RNF20: variants seen among roughly 807,000 people sequenced by gnomAD.
RNF20 encodes ring finger protein 20, also known as E3 ubiquitin-protein ligase BRE1A.
RNF20 carries 84 observed loss-of-function variants against 126.2 expected under a neutral mutation model. The observed-to-expected ratio is 0.67, with a 90% CI of 0.56 to 0.80. RNF20 has a LOEUF of 0.80. Among genes scored for constraint, RNF20 ranks in the 30% least tolerant of loss-of-function variants. The pLI is 0.00. For synonymous variants in RNF20, 400 were observed against 414.3 expected (o/e 0.97, Z 0.42); for missense variants, 869 against 1,188.2 (o/e 0.73, Z 3.95).
At chr9:101,545,603 C>T (rs1424570582) in intron 6 of RNF20, among the ~76,000 whole-genome samples, 2 of 152,056 alleles carry the variant, frequency 1.3e-5, no homozygotes, top group Non-Finnish European at 1.5e-5. Context: ...TTACTAAACC[C>T]CAGTGTTAAG....
intron 15 of RNF20, among the ~76,000 whole-genome samples, chr9:101,556,535 C>G (rs549215055): frequency 2.7e-4 from 41 of 152,118 alleles, no homozygotes; most frequent in Non-Finnish European, 5.6e-4. Context: ...AGGATGATTT[C>G]CAAATGGATC....
rs531716092 is a variant in RNF20 at position 101,533,881 on chromosome 9, A to C, written c.-60A>C. 1 of 152,444 alleles carries C rather than the reference A, an allele frequency of 6.6e-6. No homozygotes were observed. The highest frequency in any genetic ancestry group is 1.5e-5 in the Non-Finnish European group (1 of 68,286). The allele number at this position is 152,444 out of a possible 1,614,324, so 9.4% of individuals were successfully genotyped here. A position where few individuals can be genotyped will look rare whatever the true frequency, so the allele number is the denominator to read the frequency against. Reference sequence around the variant, plus strand: ...TTCTGCCTTGTCTCCGCCGCGGGTCAGGGGTGAGAGCTGGAATCTCTGCAC... The same window carrying C: ...TTCTGCCTTGTCTCCGCCGCGGGTCCGGGGTGAGAGCTGGAATCTCTGCAC... On this transcript the variant is annotated 5_prime_UTR_variant, in exon 1 of 20. Transcript: ENST00000389120.
intron 2 of RNF20, among the ~76,000 whole-genome samples, chr9:101,536,244 A>T (rs1004590334): frequency 6.6e-6 from 1 of 152,212 alleles, no homozygotes; most frequent in African/African-American, 2.4e-5. Context: ...GTAATGTTAT[A>T]TATCTGTTAG....
rs560975176 is a variant in RNF20 at position 101,562,528 on chromosome 9, A to C, written c.*106A>C. ...ACTGTCACCTGTAGGACAGTTTATC[A>C]GTCAACTACCTTTCCTCCAGACTTT... On this transcript the variant is annotated 3_prime_UTR_variant, in exon 20 of 20. Coordinates refer to ENST00000389120, the MANE Select transcript of RNF20 (RefSeq NM_019592.7). 317 of 1,067,634 alleles carry C rather than the reference A, an allele frequency of 3.0e-4. No homozygotes were observed. In the African/African-American group the frequency reaches 4.5e-3, roughly 15 times the overall value. The allele number at this position is 1,067,634 out of a possible 1,614,324, so 66.1% of individuals were successfully genotyped here. A position where few individuals can be genotyped will look rare whatever the true frequency, so the allele number is the denominator to read the frequency against.
intron 9 of RNF20, among the ~76,000 whole-genome samples, chr9:101,548,472 CCA>C (rs1827388829): frequency 6.6e-6 from 1 of 151,978 alleles, no homozygotes; most frequent in African/African-American, 2.4e-5. Flanking sequence ...AATGTTCTTG[CCA>C]CACACGAAAA....
At chr9:101,547,301 T>C in intron 8 of RNF20, 87 bp downstream of exon 8, 3 of 1,598,276 alleles carry the variant, frequency 1.9e-6, no homozygotes, top group South Asian at 2.2e-5. Context: ...AGTGACATCA[T>C]GGGGTTTTGC....
rs951061096 is a variant in RNF20 at position 101,535,403 on chromosome 9, C to T, written c.-21C>T. On this transcript the variant is annotated 5_prime_UTR_variant, in exon 2 of 20. The change creates a new upstream start codon in the 5' untranslated region. Coordinates refer to ENST00000389120, the MANE Select transcript of RNF20 (RefSeq NM_019592.7). ...TCTGCCTTTTTTTCTATCAGGAAAA[C>T]GACTGTCTTCTTCTGCCAAAATGTC... 5.6e-6 allele frequency: 9 copies of T among 1,607,128 alleles called. No individual in the cohort carries two copies. Among genetic ancestry groups the T allele is most frequent in the East Asian group, 2.2e-5 (1 of 44,800 alleles).
Position 101,535,461 on chromosome 9 carries a change from C to G in RNF20, c.38C>G (p.Pro13Arg). Residue 13 changes from proline to arginine, a missense_variant, in exon 2 of 20, where the codon CCT becomes CGT. Pro to Arg is a moderately radical substitution (Grantham distance 103, BLOSUM62 -2). Transcript: ENST00000389120. ...GIGNKRAAGEPGTSMPPEKKA... is the reference protein window; with the variant it reads ...GIGNKRAAGERGTSMPPEKKA... Reference sequence around the variant, plus strand: ...GGAAATAAAAGAGCAGCTGGAGAACCTGGCACCTCCATGCCTCCTGAGAAG... The same window carrying G: ...GGAAATAAAAGAGCAGCTGGAGAACGTGGCACCTCCATGCCTCCTGAGAAG... 3 of 1,613,916 alleles carry G rather than the reference C, an allele frequency of 1.9e-6. No individual in the cohort carries two copies. The highest frequency in any genetic ancestry group is 2.5e-6 in the Non-Finnish European group (3 of 1,179,902).
At position 101,560,563 on chromosome 9, in the gene RNF20, A is replaced by G. The variant is rs923351655; in HGVS notation, c.2383-238A>G. The stretch of plus-strand genomic sequence containing the variant: ...GCATTCTCTATTTTTGGCAATTTGG[A>G]AAAGAATCTTTTCAGTCATTTTTCA... On this transcript the variant is annotated intron_variant, in intron 16 of 19. Transcript: ENST00000389120. The G allele has an allele frequency of 4.7e-5, 15 of 315,808 alleles. 1 individual carries two copies. In the South Asian group the frequency reaches 7.0e-4, roughly 15 times the overall value. 19.6% of individuals were successfully genotyped at this position (315,808 alleles called of 1,614,324 possible).
At chr9:101,535,586 T>C in intron 2 of RNF20, 34 bp downstream of exon 2, 1 of 1,586,660 alleles carries the variant, frequency 6.3e-7, no homozygotes. Flanking sequence ...AGTGTGCTTG[T>C]CTTCTGTCAG....
chr9:101,553,800 C>G (rs1827486692), intron 13 of RNF20, among the ~76,000 whole-genome samples, 188 bp from the exon 14 acceptor site: 1 of 152,140 alleles, frequency 6.6e-6, no homozygotes, highest in Admixed American at 6.5e-5. Context: ...ATACAGCTTA[C>G]TTTTCTGTAC....
At chr9:101,539,398 G>A (rs1827226958) in intron 2 of RNF20, among the ~76,000 whole-genome samples, 2 of 152,090 alleles carry the variant, frequency 1.3e-5, no homozygotes, top group Admixed American at 1.3e-4. Flanking sequence ...AAAGGATTAA[G>A]GGCAGAGAAC....
chr9:101,547,633 C>T (rs1827373763), intron 9 of RNF20, 115 bp downstream of exon 9: 2 of 1,198,216 alleles, frequency 1.7e-6, no homozygotes, highest in South Asian at 1.5e-5. Flanking sequence ...TAGACAAAAT[C>T]CAACATCCTT....
At chr9:101,559,534 G>A (rs1380674713) in intron 16 of RNF20, among the ~76,000 whole-genome samples, 3 of 152,148 alleles carry the variant, frequency 2.0e-5, no homozygotes, top group African/African-American at 4.8e-5. Flanking sequence ...CACGAGCATG[G>A]GATGTGTTTC....
At chr9:101,552,786 T>G in intron 13 of RNF20, 33 bp downstream of exon 13, 1 of 1,554,088 alleles carries the variant, frequency 6.4e-7, no homozygotes, top group South Asian at 1.3e-5. Context: ...CAGTTTCGAC[T>G]GAAAAGCTAA....
intron 15 of RNF20, among the ~76,000 whole-genome samples, chr9:101,556,156 A>G (rs1827528215): frequency 1.3e-5 from 2 of 152,214 alleles, no homozygotes; most frequent in Admixed American, 6.5e-5. Context: ...ATGTATTAAT[A>G]TAATGTGATC....
In RNF20 at chr9:101,554,716, T is replaced by A. The variant is rs1449234106; in HGVS notation, c.2042T>A (p.Leu681His). ...KAELEDLRQR[L>H]KDLEDKEKKE... is the part of the protein sequence containing the mutation. ...TAGTTGGAAGATCTAAGGCAAAGAC[T>A]CAAGGATCTGGAAGATAAAGAGAAG... Residue 681 changes from leucine to histidine, a missense_variant, in exon 15 of 20, where the codon CTC (leucine) becomes CAC (histidine). Leu to His is a moderately conservative substitution (Grantham distance 99). Transcript: ENST00000389120. 6.2e-7 allele frequency: 1 copy of A among 1,610,860 alleles called. No homozygotes were observed. The highest frequency in any genetic ancestry group is 1.7e-5 in the Admixed American group (1 of 59,852).
chr9:101,554,655 A>T, intron 14 of RNF20, 39 bp from the exon 15 acceptor site: 1 of 1,585,558 alleles, frequency 6.3e-7, no homozygotes, highest in Non-Finnish European at 8.6e-7. Flanking sequence ...AAAATGTGTT[A>T]TAACTTTTTA....
At position 101,552,251 on chromosome 9, in the gene RNF20, G is replaced by C; in HGVS notation, c.1519G>C (p.Asp507His). 6.2e-7 allele frequency: 1 copy of C among 1,614,188 alleles called. No individual in the cohort carries two copies. Among genetic ancestry groups the C allele is most frequent in the Non-Finnish European group, 8.5e-7 (1 of 1,180,026 alleles). The part of the protein sequence containing the change: ...YKRKLREAQS[D>H]LNKTRLRSGS... The stretch of plus-strand genomic sequence containing the variant: ...GCGGAAATTGAGAGAAGCCCAGTCT[G>C]ACCTGAACAAGGTAACCAGAGGGAA... Residue 507 changes from aspartate (D) to histidine (H), a missense_variant, in exon 12 of 20, where the codon GAC becomes CAC. Physicochemically the swap from Asp to His is moderately conservative, Grantham distance 81. Around this residue, in one of 8 missense-constraint regions of RNF20, gnomAD observed 231 missense variants for 263.6 expected, o/e 0.88. Transcript: ENST00000389120.
Sources: gnomAD v4.1 joint callset for allele counts (sites outside exome capture counted in the v4.1 genomes callset) on GRCh38, gnomAD v4.1.1 for gene constraint, gnomAD v4.1.1 regional missense constraint, MANE v1.5 for transcripts, NCBI Gene and HGNC (gene_info 2026-07-23, HGNC 2026-07-21) for gene names.